The following TAFA5 variants were observed in gnomAD, a reference collection of about 807,000 sequenced individuals.
TAFA5 encodes the protein chemokine-like protein TAFA-5.
In TAFA5, 6 loss-of-function variants were observed where a neutral mutation model predicts 15.3. That is an observed-to-expected ratio of 0.39 (90% CI 0.21 to 0.77). The LOEUF is 0.77. TAFA5 is among the 30% of genes least tolerant of loss of function. The pLI is 0.41. For missense variants in TAFA5, 161 were observed against 193.1 expected, an observed-to-expected ratio of 0.83 and a Z score of 0.98; for synonymous variants, 103 against 80.7, an observed-to-expected ratio of 1.28 and a Z score of -1.48.
Position 48,577,623 on chromosome 22 carries a change from C to G in TAFA5, c.113-68974C>G, listed in dbSNP as rs138612340. 2.0e-5 allele frequency among the ~76,000 whole-genome samples: 3 copies of G among 152,360 alleles called. No homozygotes were observed. The East Asian group carries it at 5.8e-4, about 29-fold the overall frequency. ...CAGAGGAAGGGCTTGCAACATTCAG[C>G]TGCTTTCCTGACTAATTAATGAGCC... On this transcript the variant is annotated intron_variant, in intron 1 of 3. Coordinates refer to ENST00000402357, the MANE Select transcript of TAFA5 (RefSeq NM_001082967.3).
rs79086179 is a variant in TAFA5, at chr22:48,743,641, C to T, written c.391-6198C>T. 3.5e-3 allele frequency among the ~76,000 whole-genome samples: 540 copies of T among 152,260 alleles called. 7 individuals carry two copies. Among genetic ancestry groups the T allele is most frequent in the East Asian group, 0.027 (138 of 5,168 alleles). ...CAGGTGCGTCCTCATTCCGGCGTAC[C>T]ACGGCCAGGAGCGGACTGTGGGGGA... On this transcript the variant is annotated intron_variant, in intron 3 of 3. Coordinates refer to ENST00000402357, the MANE Select transcript of TAFA5 (RefSeq NM_001082967.3).
chr22:48,641,148 C>G (rs1300154006), intron 1 of TAFA5, among the ~76,000 whole-genome samples: 1 of 151,608 alleles, frequency 6.6e-6, no homozygotes, highest in African/African-American at 2.4e-5. Flanking sequence ...AAGCTGAGAC[C>G]GTGGGGGCAC....
At chr22:48,640,088 G>A (rs148104382) in intron 1 of TAFA5, among the ~76,000 whole-genome samples, 8 of 152,332 alleles carry the variant, frequency 5.3e-5, no homozygotes, top group South Asian at 2.1e-4. Context: ...CCCCTGCCTC[G>A]CTGTGCCAGT....
At chr22:48,663,499 T>A (rs5771917) in intron 2 of TAFA5, among the ~76,000 whole-genome samples, 3 of 152,026 alleles carry the variant, frequency 2.0e-5, no homozygotes, top group Non-Finnish European at 4.4e-5. Flanking sequence ...CAGCTGACTC[T>A]GTCTCTATCA....
At chr22:48,674,821 A>G (rs1927919212) in intron 2 of TAFA5, among the ~76,000 whole-genome samples, 1 of 152,114 alleles carries the variant, frequency 6.6e-6, no homozygotes, top group African/African-American at 2.4e-5. Context: ...GCACAGTTTT[A>G]TCGGGACACT....
intron 2 of TAFA5, among the ~76,000 whole-genome samples, chr22:48,663,118 G>A (rs559414910): frequency 2.7e-4 from 41 of 152,262 alleles, no homozygotes; most frequent in African/African-American, 8.9e-4. Flanking sequence ...TCTTAGCTGC[G>A]GTTTTCTTTG....
chr22:48,648,494 G>A (rs1259698366), intron 2 of TAFA5, among the ~76,000 whole-genome samples: 1 of 152,140 alleles, frequency 6.6e-6, no homozygotes, highest in Non-Finnish European at 1.5e-5. Flanking sequence ...ACAGAGACAG[G>A]GCCAAGGCAT....
At chr22:48,532,496 T>C (rs567054824) in intron 1 of TAFA5, among the ~76,000 whole-genome samples, 1 of 152,152 alleles carries the variant, frequency 6.6e-6, no homozygotes, top group Non-Finnish European at 1.5e-5. Flanking sequence ...TGTATTTTGG[T>C]CTCAGGTTTT....
At chr22:48,647,199 A>G (rs1038745214) in intron 2 of TAFA5, among the ~76,000 whole-genome samples, 18 of 151,974 alleles carry the variant, frequency 1.2e-4, no homozygotes, top group African/African-American at 4.4e-4. Context: ...TCATGCCTAG[A>G]CTCGGGAGGC....
intron 2 of TAFA5, among the ~76,000 whole-genome samples, chr22:48,676,713 C>T (rs1027667684): frequency 1.6e-4 from 24 of 152,194 alleles, no homozygotes; most frequent in Non-Finnish European, 2.8e-4. Flanking sequence ...ACTCTGCGGC[C>T]GGGGAGCGGG....
chr22:48,572,530 C>T (rs1923625178), intron 1 of TAFA5, among the ~76,000 whole-genome samples: 1 of 152,182 alleles, frequency 6.6e-6, no homozygotes, highest in Admixed American at 6.5e-5. Context: ...TCATGAGTGA[C>T]CAAAGTCCTT....
chr22:48,549,888 G>A (rs563570286), intron 1 of TAFA5, among the ~76,000 whole-genome samples: 4 of 152,318 alleles, frequency 2.6e-5, no homozygotes, highest in East Asian at 3.9e-4. Flanking sequence ...AGACGCCCTC[G>A]GGAATTGGAC....
intron 1 of TAFA5, among the ~76,000 whole-genome samples, chr22:48,639,839 A>G (rs1206606145): frequency 6.6e-6 from 1 of 152,128 alleles, no homozygotes; most frequent in Non-Finnish European, 1.5e-5. Context: ...GGTCCTGGAG[A>G]GCCAGCAGTC....
chr22:48,491,790 C>G (rs1928162372), intron 1 of TAFA5, among the ~76,000 whole-genome samples: 1 of 152,224 alleles, frequency 6.6e-6, no homozygotes, highest in South Asian at 2.1e-4. Context: ...ACATCTGAGC[C>G]TGCTGCTTAG....
intron 1 of TAFA5, among the ~76,000 whole-genome samples, chr22:48,588,361 G>A (rs924715639): frequency 2.6e-5 from 4 of 152,176 alleles, no homozygotes; most frequent in African/African-American, 9.7e-5. Context: ...GCGGCCGCCC[G>A]AGAACCAGGT....
At chr22:48,735,167 C>T (rs1025131571) in intron 3 of TAFA5, among the ~76,000 whole-genome samples, 6 of 152,162 alleles carry the variant, frequency 3.9e-5, no homozygotes, top group Admixed American at 6.5e-5. Flanking sequence ...TGCTAAGTAA[C>T]GTCCTGAAGA....
chr22:48,520,333 C>T (rs1032499382), intron 1 of TAFA5, among the ~76,000 whole-genome samples: 1 of 152,380 alleles, frequency 6.6e-6, no homozygotes, highest in East Asian at 1.9e-4. Context: ...GTACTGACCC[C>T]GGCCCAGGTG....
At chr22:48,685,265 T>C (rs1928318059) in intron 2 of TAFA5, among the ~76,000 whole-genome samples, 1 of 152,236 alleles carries the variant, frequency 6.6e-6, no homozygotes, top group Admixed American at 6.5e-5. Context: ...ATTATGTAGA[T>C]GAATCCTGTA....
intron 1 of TAFA5, among the ~76,000 whole-genome samples, chr22:48,591,748 G>A (rs1051815471): frequency 6.6e-6 from 1 of 152,148 alleles, no homozygotes; most frequent in Non-Finnish European, 1.5e-5. Context: ...AACTGATGTG[G>A]GCAGCATGTT....
Sources: gnomAD v4.1 joint callset for allele counts (sites outside exome capture counted in the v4.1 genomes callset) on GRCh38, gnomAD v4.1.1 for gene constraint, MANE v1.5 for transcripts, NCBI Gene and HGNC (gene_info 2026-07-23, HGNC 2026-07-21) for gene names.